Variants in DDAH1 observed in about 807,000 individuals in gnomAD.
DDAH1 encodes the protein N(G),N(G)-dimethylarginine dimethylaminohydrolase 1.
In DDAH1, 19 loss-of-function variants were observed where a neutral mutation model predicts 28.8. That is an observed-to-expected ratio of 0.66 (90% CI 0.46 to 0.97). DDAH1 has a LOEUF of 0.97. Ranked by LOEUF, DDAH1 falls within the 50% of genes least tolerant of loss-of-function variation. The pLI, the probability that DDAH1 is intolerant of heterozygous loss-of-function variation, is 0.00. For synonymous variants in DDAH1, 153 were observed against 154.4 expected (o/e 0.99, Z 0.07); for missense variants, 326 against 375.9 (o/e 0.87, Z 1.10).
intron 2 of DDAH1, among the ~76,000 whole-genome samples, chr1:85,488,860 T>C (rs2100725564): frequency 6.6e-6 from 1 of 152,310 alleles, no homozygotes; most frequent in East Asian, 1.9e-4. Flanking sequence ...TCAGGCAACA[T>C]GTTCAGTGTA....
At chr1:85,481,930 C>G (rs918294474) in intron 2 of DDAH1, among the ~76,000 whole-genome samples, 1 of 152,228 alleles carries the variant, frequency 6.6e-6, no homozygotes, top group Non-Finnish European at 1.5e-5. Flanking sequence ...AGAGCTGTAT[C>G]TCTGCTCACT....
intron 1 of DDAH1, among the ~76,000 whole-genome samples, chr1:85,393,419 C>T (rs555515268): frequency 2.2e-4 from 34 of 152,326 alleles, no homozygotes; most frequent in African/African-American, 7.9e-4. Flanking sequence ...CATTAGAGGG[C>T]TCTACCCTGA....
intron 1 of DDAH1, among the ~76,000 whole-genome samples, chr1:85,408,793 A>G (rs1570501329): frequency 1.3e-5 from 2 of 152,186 alleles, no homozygotes; most frequent in East Asian, 3.9e-4. Flanking sequence ...CACCAGAGGC[A>G]ATGAATGGGC....
At chr1:85,564,476 T>C (rs1340847474) in intron 1 of DDAH1, among the ~76,000 whole-genome samples, 1 of 152,182 alleles carries the variant, frequency 6.6e-6, no homozygotes, top group African/African-American at 2.4e-5. Context: ...GAAATTTTTG[T>C]TTAAATTTCG....
intron 1 of DDAH1, among the ~76,000 whole-genome samples, chr1:85,574,953 C>T (rs183472257): frequency 6.6e-4 from 101 of 151,910 alleles, no homozygotes; most frequent in Non-Finnish European, 1.0e-3. Flanking sequence ...TAAAAACAGA[C>T]GGGGAGCCTG....
chr1:85,488,403 T>G (rs1656277354), intron 2 of DDAH1: 1 of 152,114 alleles, frequency 6.6e-6, no homozygotes, highest in African/African-American at 2.4e-5. Flanking sequence ...AACATGCAGA[T>G]AGAGAACCAG....
rs1557686884 is a variant in DDAH1, at chr1:85,491,043, A to ACTCTTTTTTTTTTTTTTTTTTTTTTTT, written c.-7+5122_-7+5123insAAAAAAAAAAAAAAAAAAAAAAAAGAG. 1.0e-4 allele frequency among the ~76,000 whole-genome samples: 8 copies of ACTCTTTTTTTTTTTTTTTTTTTTTTTT among 79,340 alleles called. 4 individuals are homozygous for ACTCTTTTTTTTTTTTTTTTTTTTTTTT. The highest frequency in any genetic ancestry group is 4.7e-5 in the Non-Finnish European group (2 of 42,166). The allele number at this position is 79,340 out of a possible 152,430, so 52.1% of individuals were successfully genotyped here. A position where few individuals can be genotyped will look rare whatever the true frequency, so the allele number is the denominator to read the frequency against. The stretch of plus-strand genomic sequence containing the variant: ...TCTTCTAATGACAACAGTAACATGT[A>ACTCTTTTTTTTTTTTTTTTTTTTTTTT]TTCTTTTTTTTTTTTTTTTTTTTGA... On this transcript the variant is annotated intron_variant, in intron 2 of 6. Transcript: ENST00000426972.
At chr1:85,475,026 G>A (rs980025690) in intron 2 of DDAH1, among the ~76,000 whole-genome samples, 1 of 152,056 alleles carries the variant, frequency 6.6e-6, no homozygotes, top group African/African-American at 2.4e-5. Flanking sequence ...TTATTATGAG[G>A]ACTAAATTAA....
At chr1:85,399,623 T>C (rs555795446) in intron 1 of DDAH1, 1 of 152,370 alleles carries the variant, frequency 6.6e-6, no homozygotes, top group South Asian at 2.1e-4. Flanking sequence ...TAAGTTGTTA[T>C]ATAACATTCC....
intron 1 of DDAH1, among the ~76,000 whole-genome samples, chr1:85,371,810 C>T (rs1185389756): frequency 6.6e-6 from 1 of 152,142 alleles, no homozygotes; most frequent in Non-Finnish European, 1.5e-5. Flanking sequence ...TTAGTATATC[C>T]TCAATGATTG....
intron 1 of DDAH1, among the ~76,000 whole-genome samples, chr1:85,392,395 G>A (rs1651595338): frequency 6.6e-6 from 1 of 152,126 alleles, no homozygotes; most frequent in Admixed American, 6.5e-5. Context: ...TCTATCTCCA[G>A]ATAAGATCAC....
chr1:85,556,157 C>A (rs1658962510), intron 1 of DDAH1, among the ~76,000 whole-genome samples: 1 of 151,916 alleles, frequency 6.6e-6, no homozygotes, highest in African/African-American at 2.4e-5. Context: ...TCCTTCTCCT[C>A]CTTCTCCTCC....
intron 1 of DDAH1, among the ~76,000 whole-genome samples, chr1:85,405,449 C>T (rs1226790658): frequency 6.6e-6 from 1 of 152,148 alleles, no homozygotes; most frequent in Non-Finnish European, 1.5e-5. Flanking sequence ...TTTAAATAAA[C>T]ACAGGTGTCA....
At chr1:85,394,829 T>A (rs1651731249) in intron 1 of DDAH1, among the ~76,000 whole-genome samples, 1 of 152,204 alleles carries the variant, frequency 6.6e-6, no homozygotes, top group Non-Finnish European at 1.5e-5. Context: ...GTCATATGAT[T>A]AAGTAACATT....
chr1:85,568,553 T>C (rs541423349), intron 1 of DDAH1, among the ~76,000 whole-genome samples: 2 of 152,240 alleles, frequency 1.3e-5, no homozygotes, highest in Admixed American at 1.3e-4. Flanking sequence ...CTAGCTATCA[T>C]TAGAACACCA....
At chr1:85,504,573 C>T (rs1570617755) in intron 1 of DDAH1, among the ~76,000 whole-genome samples, 1 of 152,286 alleles carries the variant, frequency 6.6e-6, no homozygotes, top group East Asian at 1.9e-4. Context: ...CACATATTTG[C>T]TGAGCACTTA....
intron 1 of DDAH1, among the ~76,000 whole-genome samples, chr1:85,455,976 C>T (rs1654862781): frequency 6.6e-6 from 1 of 152,046 alleles, no homozygotes; most frequent in African/African-American, 2.4e-5. Context: ...TTTTATTTAT[C>T]AAACTCCAAT....
At chr1:85,370,015 G>A (rs778528393) in intron 1 of DDAH1, among the ~76,000 whole-genome samples, 72 of 152,202 alleles carry the variant, frequency 4.7e-4, no homozygotes, top group Admixed American at 1.3e-3. Flanking sequence ...AAAATGAAGA[G>A]GGCAAGTGTT....
chr1:85,468,203 A>C (rs1023007059), upstream of DDAH1, among the ~76,000 whole-genome samples: 1 of 152,250 alleles, frequency 6.6e-6, no homozygotes, highest in Non-Finnish European at 1.5e-5. Flanking sequence ...TTGTTCACTC[A>C]AAGTCTAGCA....
Sources: gnomAD v4.1 joint callset for allele counts (sites outside exome capture counted in the v4.1 genomes callset) on GRCh38, gnomAD v4.1.1 for gene constraint, MANE v1.5 for transcripts, NCBI Gene and HGNC (gene_info 2026-07-23, HGNC 2026-07-21) for gene names.